SEC23A: variants seen among roughly 807,000 people sequenced by gnomAD.
The protein encoded by SEC23A is protein transport protein Sec23A.
In SEC23A, 56 loss-of-function variants were observed where a neutral mutation model predicts 103.7. The observed-to-expected ratio is 0.54, with a 90% CI of 0.44 to 0.67. SEC23A has a LOEUF of 0.67. SEC23A is among the 30% of genes least tolerant of loss of function. The pLI is 0.00. For synonymous variants in SEC23A, 281 were observed against 293.0 expected (o/e 0.96, Z 0.42); for missense variants, 784 against 936.4 (o/e 0.84, Z 2.12).
Position 39,074,496 on chromosome 14 carries a change from G to C in SEC23A, c.1022C>G (p.Thr341Ser). 1 of 1,613,142 alleles carries C rather than the reference G, an allele frequency of 6.2e-7. No individual in the cohort carries two copies. The highest frequency in any genetic ancestry group is 8.5e-7 in the Non-Finnish European group (1 of 1,179,514). The change falls in exon 9 of 20, where the codon ACT becomes AGT. Residue 341 changes from threonine to serine, a missense_variant. By Grantham distance (58) the Thr-to-Ser change is moderately conservative (BLOSUM62 1). Around this residue, in one of 2 missense-constraint regions of SEC23A, gnomAD observed 683 missense variants for 774.2 expected, o/e 0.88. Coordinates refer to ENST00000307712, the MANE Select transcript of SEC23A (RefSeq NM_006364.4). ...CGCATAGATATCAATAACATGGCCA[G>C]TTGTAGCAGCTCGATTAGCCAATGC... ...FEALANRAATTGHVIDIYACA... is the reference protein window; with the variant it reads ...FEALANRAATSGHVIDIYACA...
intron 19 of SEC23A, among the ~76,000 whole-genome samples, chr14:39,033,838 T>C (rs1420883687): frequency 6.6e-6 from 1 of 151,996 alleles, no homozygotes; most frequent in Non-Finnish European, 1.5e-5. Context: ...TAATAAAAAC[T>C]GTATTGACAG....
Position 39,064,955 on chromosome 14 carries a change from G to C in SEC23A, c.1266C>G (p.Pro422=), listed in dbSNP as rs370483912. The change falls in exon 11 of 20, where the codon CCC becomes CCG. Residue 422 remains proline, a synonymous_variant. Coordinates refer to ENST00000307712, the MANE Select transcript of SEC23A (RefSeq NM_006364.4). ...REIKISGAIG[P]CVSLNSKGPC... ...GTCCTTTAGAATTGAGTGACACACAGGGTCCAATAGCTCCTGAAATCTTTA... is the reference window on the plus strand; with the variant it reads ...GTCCTTTAGAATTGAGTGACACACACGGTCCAATAGCTCCTGAAATCTTTA... 2 of 1,613,168 alleles carry C rather than the reference G, an allele frequency of 1.2e-6. No homozygotes were observed. The highest frequency in any genetic ancestry group is 1.7e-6 in the Non-Finnish European group (2 of 1,179,298).
chr14:39,040,992 A>C (rs1322515038), intron 17 of SEC23A, 105 bp from the exon 18 acceptor site: 3 of 1,320,618 alleles, frequency 2.3e-6, no homozygotes, highest in Non-Finnish European at 3.0e-6. Context: ...AAAATTATAG[A>C]CCATTATTCC....
intron 7 of SEC23A, among the ~76,000 whole-genome samples, chr14:39,077,123 G>T (rs971783932): frequency 4.8e-5 from 7 of 147,308 alleles, no homozygotes; most frequent in Admixed American, 2.8e-4. Context: ...AGCTACTCAG[G>T]AAGCTGGGGC....
intron 9 of SEC23A, among the ~76,000 whole-genome samples, chr14:39,070,795 GGCAGGTGGATC>G: frequency 6.6e-6 from 1 of 152,306 alleles, no homozygotes; most frequent in African/African-American, 2.4e-5. Context: ...GGGAGGCCAT[GGCAGGTGGATC>G]ACCTGAGGTC....
chr14:39,036,783 C>T (rs1885477013), intron 19 of SEC23A, among the ~76,000 whole-genome samples: 2 of 152,192 alleles, frequency 1.3e-5, no homozygotes, highest in African/African-American at 4.8e-5. Context: ...TATCCTACTG[C>T]TTATCCTCAG....
chr14:39,080,242 G>C (rs1258845145), intron 7 of SEC23A, among the ~76,000 whole-genome samples: 1 of 151,914 alleles, frequency 6.6e-6, no homozygotes, highest in Non-Finnish European at 1.5e-5. Context: ...AGAGAGAAGA[G>C]GGAAACAAAC....
chr14:39,055,596 G>A (rs1166507613), intron 13 of SEC23A, among the ~76,000 whole-genome samples: 1 of 151,930 alleles, frequency 6.6e-6, no homozygotes, highest in Non-Finnish European at 1.5e-5. Context: ...TTTTAGTGAG[G>A]CAGGAAATTA....
At chr14:39,064,765 G>C (rs569124117) in intron 11 of SEC23A, 148 bp downstream of exon 11, 1 of 704,878 alleles carries the variant, frequency 1.4e-6, no homozygotes, top group Non-Finnish European at 2.6e-6. Flanking sequence ...AACAGGAGGG[G>C]AACAGGGTCT....
Position 39,032,407 on chromosome 14 carries a change from C to T in SEC23A, c.*832G>A, listed in dbSNP as rs1885332922. 6.6e-6 allele frequency: 1 copy of T among 152,452 alleles called. No individual in the cohort carries two copies. The highest frequency in any genetic ancestry group is 1.5e-5 in the Non-Finnish European group (1 of 67,974). 9.4% of individuals were successfully genotyped at this position (152,452 alleles called of 1,614,324 possible). On this transcript the variant is annotated 3_prime_UTR_variant, in exon 20 of 20. Transcript: ENST00000307712. Reference sequence around the variant, plus strand: ...CTGAAGGATATAATGCAAAATTTACCTCTGAAAAACAAGGGGAAAACAACA... The same window carrying T: ...CTGAAGGATATAATGCAAAATTTACTTCTGAAAAACAAGGGGAAAACAACA...
chr14:39,095,847 G>T (rs375663113), intron 2 of SEC23A, 51 bp downstream of exon 2: 1 of 1,371,614 alleles, frequency 7.3e-7, no homozygotes, highest in Non-Finnish European at 1.0e-6. Context: ...GAAAAACCCC[G>T]ACATTTTAAA....
chr14:39,099,151 T>G (rs1006281506), intron 1 of SEC23A, among the ~76,000 whole-genome samples: 8 of 140,096 alleles, frequency 5.7e-5, no homozygotes, highest in African/African-American at 2.0e-4. Context: ...AAATTGTTTT[T>G]GGGTTTTTTT....
chr14:39,078,488 G>A (rs1271785371), intron 7 of SEC23A, among the ~76,000 whole-genome samples: 2 of 152,156 alleles, frequency 1.3e-5, no homozygotes, highest in African/African-American at 4.8e-5. Context: ...AAGAAACAGT[G>A]TGTATCTATA....
At chr14:39,066,319 T>C (rs1192047645) in intron 10 of SEC23A, among the ~76,000 whole-genome samples, 1 of 152,138 alleles carries the variant, frequency 6.6e-6, no homozygotes, top group African/African-American at 2.4e-5. Context: ...AATTCAAAAT[T>C]AATGTGCTTA....
At chr14:39,082,641 T>C (rs185910488) in intron 7 of SEC23A, among the ~76,000 whole-genome samples, 5 of 152,072 alleles carry the variant, frequency 3.3e-5, no homozygotes, top group Admixed American at 2.6e-4. Context: ...AAAAAAAGAG[T>C]AATTTTAAAG....
At chr14:39,070,938 A>C (rs1276540309) in intron 9 of SEC23A, among the ~76,000 whole-genome samples, 1 of 152,160 alleles carries the variant, frequency 6.6e-6, no homozygotes, top group African/African-American at 2.4e-5. Context: ...GAGGCAGCAG[A>C]ATCACTTGAA....
chr14:39,079,097 A>G (rs935134651), intron 7 of SEC23A, among the ~76,000 whole-genome samples: 15 of 152,308 alleles, frequency 9.8e-5, no homozygotes, highest in African/African-American at 3.4e-4. Context: ...AATAAACTGT[A>G]TGTCTATGTC....
chr14:39,050,533 G>A (rs17108778), intron 14 of SEC23A, among the ~76,000 whole-genome samples: 1 of 152,192 alleles, frequency 6.6e-6, no homozygotes, highest in Non-Finnish European at 1.5e-5. Flanking sequence ...CTGATTAGAT[G>A]AAGTGTTTAC....
intron 4 of SEC23A, 25 bp downstream of exon 4, chr14:39,092,516 T>TA: frequency 7.2e-7 from 1 of 1,382,868 alleles, no homozygotes; most frequent in Non-Finnish European, 1.0e-6. Context: ...AAAACTTTCT[T>TA]AAATATTTGT....
Sources: gnomAD v4.1 joint callset for allele counts (sites outside exome capture counted in the v4.1 genomes callset) on GRCh38, gnomAD v4.1.1 for gene constraint, gnomAD v4.1.1 regional missense constraint, MANE v1.5 for transcripts, NCBI Gene and HGNC (gene_info 2026-07-23, HGNC 2026-07-21) for gene names.